The following DGKK variants were observed in gnomAD, a reference collection of about 807,000 sequenced individuals.
The protein encoded by DGKK is diacylglycerol kinase kappa.
In DGKK, 35 loss-of-function variants were observed where a neutral mutation model predicts 92.2. That is an observed-to-expected ratio of 0.38 (90% CI 0.29 to 0.50). The LOEUF is 0.50. Ranked by LOEUF, DGKK falls within the 20% of genes least tolerant of loss-of-function variation. DGKK has a pLI of 0.92. For synonymous variants in DGKK, 368 were observed against 360.6 expected, an observed-to-expected ratio of 1.02 and a Z score of -0.23; for missense variants, 910 against 992.2, an observed-to-expected ratio of 0.92 and a Z score of 1.11.
chrX:50,431,874 G>A (rs1557230336), intron 1 of DGKK, among the ~76,000 whole-genome samples: 1 of 111,206 alleles, frequency 9.0e-6, no homozygotes, highest in African/African-American at 3.3e-5. Context: ...TGTGACCTTG[G>A]GCAAATCACT....
At chrX:50,464,924 C>A (rs1276090655) in intron 1 of DGKK, among the ~76,000 whole-genome samples, 1 of 111,310 alleles carries the variant, frequency 9.0e-6, no homozygotes, top group East Asian at 2.8e-4. Context: ...CTTTAGCCAT[C>A]ATCCCCTTTT....
At chrX:50,422,881 A>T (rs1925634903) in intron 2 of DGKK, among the ~76,000 whole-genome samples, 1 of 112,168 alleles carries the variant, frequency 8.9e-6, no homozygotes, top group African/African-American at 3.2e-5. Flanking sequence ...TCCTAGAGAA[A>T]CAGATTGTGA....
At chrX:50,404,705 C>T (rs782054610) in intron 4 of DGKK, among the ~76,000 whole-genome samples, 1 of 110,784 alleles carries the variant, frequency 9.0e-6, no homozygotes, top group South Asian at 3.9e-4. Flanking sequence ...CTGTGCCCGG[C>T]CAGGAGTAAT....
At chrX:50,438,016 A>AC (rs1926078244) in intron 1 of DGKK, among the ~76,000 whole-genome samples, 1 of 108,969 alleles carries the variant, frequency 9.2e-6, no homozygotes, top group African/African-American at 3.4e-5. Context: ...CACACACACA[A>AC]AAAAAAAGCA....
At chrX:50,394,607 C>T (rs1435366322) in intron 8 of DGKK, among the ~76,000 whole-genome samples, 6 of 112,200 alleles carry the variant, frequency 5.3e-5, no homozygotes, top group African/African-American at 1.6e-4. Flanking sequence ...GTAGTTAAGA[C>T]ACATTAATCC....
intron 10 of DGKK, 140 bp from the exon 11 acceptor site, chrX:50,391,716 G>A: frequency 1.5e-6 from 1 of 677,321 alleles, no homozygotes; most frequent in Non-Finnish European, 2.2e-6. Flanking sequence ...TCTGGGGAAG[G>A]TAATGAGAGG....
intron 3 of DGKK, 115 bp downstream of exon 3, chrX:50,422,331 G>C: frequency 1.9e-6 from 1 of 528,788 alleles, no homozygotes; most frequent in Non-Finnish European, 3.0e-6. Context: ...AACACTTTGG[G>C]ATCAAAGGAA....
rs1557224533 is a variant in DGKK at position 50,382,475 on chromosome X, A to C, written c.2657+21T>G. The C allele has an allele frequency of 9.1e-6, 10 of 1,103,238 alleles. 1 individual carries two copies. The highest frequency in any genetic ancestry group is 1.1e-5 in the Non-Finnish European group (9 of 802,925). 90.9% of individuals were successfully genotyped at this position (1,103,238 alleles called of 1,213,427 possible). On this transcript the variant is annotated intron_variant, in intron 18 of 27. Transcript: ENST00000611977. ...TGTGATAGTGTGTTTGCATGTAGGG[A>C]AGGGAGTTTCTTTTCCTTACTTGTA... is the stretch of plus-strand genomic sequence containing the variant.
intron 1 of DGKK, among the ~76,000 whole-genome samples, chrX:50,469,064 G>C (rs1200529894): frequency 1.8e-5 from 2 of 110,917 alleles, no homozygotes; most frequent in African/African-American, 6.6e-5. Context: ...CAGGGTCCAA[G>C]GTAAACACGA....
intron 1 of DGKK, among the ~76,000 whole-genome samples, chrX:50,456,277 A>G (rs1019146465): frequency 1.8e-5 from 2 of 111,789 alleles, no homozygotes; most frequent in Admixed American, 1.9e-4. Flanking sequence ...ACGCTATTTT[A>G]GATAAAACTT....
At chrX:50,462,992 C>G (rs782266735) in intron 1 of DGKK, among the ~76,000 whole-genome samples, 4 of 98,710 alleles carry the variant, frequency 4.1e-5, no homozygotes, top group South Asian at 5.4e-4. Flanking sequence ...CACCACCCCC[C>G]CCACACGCAC....
At chrX:50,414,088 T>C (rs1925369410) in intron 4 of DGKK, among the ~76,000 whole-genome samples, 1 of 111,947 alleles carries the variant, frequency 8.9e-6, no homozygotes, top group Admixed American at 9.5e-5. Context: ...GACATTATGC[T>C]AAGTGAAATA....
chrX:50,403,016 G>T, intron 7 of DGKK, 45 bp downstream of exon 7: 3 of 1,194,732 alleles, frequency 2.5e-6, no homozygotes, highest in South Asian at 1.9e-5. Context: ...CCACTCCCTC[G>T]CCAGGAGTTA....
intron 17 of DGKK, 57 bp from the exon 18 acceptor site, chrX:50,382,660 A>T: frequency 1.6e-5 from 15 of 965,064 alleles, no homozygotes; most frequent in Non-Finnish European, 2.2e-5. Context: ...TGCCGCTATC[A>T]ATTGGGCATG....
Position 50,368,749 on chromosome X carries a change from C to G in DGKK, c.*191G>C. ...GACAACTCGGAACAAGAACCTTTGG[C>G]CAATGAGGAAATGTAAACCTCTAAG... On this transcript the variant is annotated 3_prime_UTR_variant, in exon 28 of 28. Transcript: ENST00000611977. 5.1e-6 allele frequency: 2 copies of G among 393,071 alleles called. No individual in the cohort carries two copies. Among genetic ancestry groups the G allele is most frequent in the East Asian group, 8.1e-5 (2 of 24,548 alleles). The allele number at this position is 393,071 out of a possible 1,213,427, so 32.4% of individuals were successfully genotyped here.
At chrX:50,382,704 G>A (rs782436867) in intron 17 of DGKK, 101 bp from the exon 18 acceptor site, 167 of 600,654 alleles carry the variant, frequency 2.8e-4, no homozygotes, top group Non-Finnish European at 3.7e-4. Context: ...ACCAGTGAGG[G>A]AAGGCCCCCT....
In DGKK at chrX:50,387,584, G is replaced by T. The variant is rs1557225092; in HGVS notation, c.2088C>A (p.Asn696Lys). 8 of 1,205,767 alleles carry T rather than the reference G, an allele frequency of 6.6e-6. No individual in the cohort carries two copies. Among genetic ancestry groups the T allele is most frequent in the Non-Finnish European group, 9.0e-6 (8 of 891,841 alleles). The part of the protein sequence containing the change: ...IVKAWGQIKQ[N>K]NTAIVSVILK... ...AAATCACAGACACTATTGCAGTGTT[G>T]TTCTGTTTTATCTGACCCCAGGCCT... is the stretch of plus-strand genomic sequence containing the variant. Residue 696 changes from asparagine to lysine, a missense_variant, in exon 14 of 28, where the codon AAC (asparagine) becomes AAA (lysine). Transcript: ENST00000611977.
chrX:50,394,817 G>C lies in DGKK; in HGVS notation c.1412-1482C>G. On this transcript the variant is annotated intron_variant, in intron 8 of 27. Coordinates refer to ENST00000611977, the MANE Select transcript of DGKK (RefSeq NM_001013742.4). ...TAGGGAAAGGGGGTAGATATTGGAAGGGGTGTTATTTTAGACAGAGTGTCA... is the reference window on the plus strand; with the variant it reads ...TAGGGAAAGGGGGTAGATATTGGAACGGGTGTTATTTTAGACAGAGTGTCA... Among the ~76,000 whole-genome samples the C allele has an allele frequency of 4.5e-5, 5 of 111,655 alleles. No homozygotes were observed. The Middle Eastern group carries it at 0.019, about 417-fold the overall frequency.
Position 50,378,138 on chromosome X carries a change from AT to A in DGKK, c.3070del (p.Ile1024LeufsTer10). ...AWIQRPGLIK[I>X]RYKNAAQMLT... ...CATCTGGGCAGCGTTCTTGTATCTA[AT>A]TTTGATAAGGCCTGGTCTCTGAATC... On this transcript the variant is annotated frameshift_variant, in exon 22 of 28. Transcript: ENST00000611977. LOFTEE classifies it high-confidence loss of function. The A allele has an allele frequency of 8.3e-7, 1 of 1,210,205 alleles. No homozygotes were observed. The highest frequency in any genetic ancestry group is 1.1e-6 in the Non-Finnish European group (1 of 894,993).
Sources: allele counts gnomAD v4.1 joint callset (sites outside exome capture counted in the v4.1 genomes callset), GRCh38; gene constraint gnomAD v4.1.1; transcripts MANE v1.5; gene names NCBI Gene and HGNC (gene_info 2026-07-23, HGNC 2026-07-21).